SEMA3A: variants seen among roughly 807,000 people sequenced by gnomAD.
SEMA3A encodes the protein semaphorin 3A.
A neutral mutation model predicts 97.9 loss-of-function variants in SEMA3A; 29 were observed. The observed-to-expected ratio is 0.30, with a 90% CI of 0.22 to 0.40. SEMA3A has a LOEUF of 0.40. SEMA3A is among the 10% of genes least tolerant of loss of function. The pLI is 1.00. For missense variants in SEMA3A, 763 were observed against 951.3 expected (o/e 0.80, Z 2.60); for synonymous variants, 321 against 323.7 (o/e 0.99, Z 0.09).
chr7:84,009,126 T>G (rs1362948809), intron 9 of SEMA3A, among the ~76,000 whole-genome samples: 1 of 152,248 alleles, frequency 6.6e-6, no homozygotes, highest in Non-Finnish European at 1.5e-5. Context: ...TTGAACTGCA[T>G]ATTCTTAGGT....
chr7:84,398,829 T>C (rs902852556), intron 1 of SEMA3A, among the ~76,000 whole-genome samples: 2 of 151,764 alleles, frequency 1.3e-5, no homozygotes, highest in African/African-American at 4.9e-5. Context: ...ATAAAATAAC[T>C]AAATTAAAAT....
At chr7:84,429,380 A>G (rs565660711) in intron 1 of SEMA3A, among the ~76,000 whole-genome samples, 1 of 151,286 alleles carries the variant, frequency 6.6e-6, no homozygotes, top group African/African-American at 2.4e-5. Context: ...AGGGATCACT[A>G]AGTTGTTTGA....
At chr7:84,125,442 T>TG (rs1357054409) in intron 3 of SEMA3A, among the ~76,000 whole-genome samples, 1 of 152,210 alleles carries the variant, frequency 6.6e-6, no homozygotes, top group Non-Finnish European at 1.5e-5. Flanking sequence ...CTTTCTTCTT[T>TG]GAAAGTATTC....
At chr7:84,478,771 C>T (rs1220652260) in intron 1 of SEMA3A, among the ~76,000 whole-genome samples, 1 of 151,802 alleles carries the variant, frequency 6.6e-6, no homozygotes, top group Non-Finnish European at 1.5e-5. Flanking sequence ...TAGAAAATAT[C>T]AAGCAGTCTC....
At chr7:84,421,534 C>T (rs957925832) in intron 1 of SEMA3A, among the ~76,000 whole-genome samples, 1 of 152,028 alleles carries the variant, frequency 6.6e-6, no homozygotes, top group Non-Finnish European at 1.5e-5. Context: ...ATTGCCCTGG[C>T]CAGAACTTCC....
intron 2 of SEMA3A, among the ~76,000 whole-genome samples, chr7:84,318,472 G>A (rs567612154): frequency 1.9e-4 from 28 of 151,270 alleles, no homozygotes; most frequent in Non-Finnish European, 3.2e-4. Flanking sequence ...ACAGGCGCCC[G>A]CCACTACGCC....
At chr7:84,462,197 A>T (rs2116390076) in intron 1 of SEMA3A, among the ~76,000 whole-genome samples, 1 of 152,264 alleles carries the variant, frequency 6.6e-6, no homozygotes, top group East Asian at 1.9e-4. Context: ...TTTTTTTCTC[A>T]TAAAAATATA....
At chr7:84,184,778 AC>A (rs1797829181) in intron 1 of SEMA3A, among the ~76,000 whole-genome samples, 1 of 152,188 alleles carries the variant, frequency 6.6e-6, no homozygotes, top group Admixed American at 6.5e-5. Context: ...TAGAGGCAAG[AC>A]AAGTACTAAG....
upstream of SEMA3A, among the ~76,000 whole-genome samples, chr7:84,197,730 CTTTTTTTTTTTT>C (rs139403623): frequency 7.2e-5 from 5 of 69,358 alleles, no homozygotes; most frequent in South Asian, 1.9e-3. Flanking sequence ...AAAGATCACT[CTTTTTTTTTTTT>C]TTTTTTTTTT....
intron 15 of SEMA3A, among the ~76,000 whole-genome samples, chr7:83,975,299 G>A (rs1789099239): frequency 6.6e-6 from 1 of 151,918 alleles, no homozygotes. Flanking sequence ...GATTATATAT[G>A]CATATAATCT....
At chr7:84,202,085 A>T (rs912960203) in intron 3 of SEMA3A, among the ~76,000 whole-genome samples, 2 of 152,124 alleles carry the variant, frequency 1.3e-5, no homozygotes, top group African/African-American at 4.8e-5. Context: ...TTATCCTATG[A>T]TTTAAAACAA....
At chr7:84,415,678 C>T (rs72612655) in intron 1 of SEMA3A, among the ~76,000 whole-genome samples, 11,059 of 151,900 alleles carry the variant, frequency 0.073, 421 homozygotes, top group East Asian at 0.12. Context: ...TTAAATTAAT[C>T]ATTTGAGGAC....
chr7:84,307,177 T>G (rs1801181474), intron 3 of SEMA3A: 1 of 152,178 alleles, frequency 6.6e-6, no homozygotes, highest in Admixed American at 6.6e-5. Flanking sequence ...CTTATTAACA[T>G]GCCAATGTGT....
At chr7:84,159,733 C>T (rs887510954) in intron 1 of SEMA3A, among the ~76,000 whole-genome samples, 2 of 151,974 alleles carry the variant, frequency 1.3e-5, no homozygotes, top group Admixed American at 6.6e-5. Context: ...ATAGTTAGAC[C>T]CTTAGCTCTT....
intron 1 of SEMA3A, among the ~76,000 whole-genome samples, chr7:84,424,530 TAA>T (rs372894479): frequency 0.18 from 16,749 of 92,040 alleles, 1,918 homozygotes; most frequent in Non-Finnish European, 0.2. Context: ...ATGTTATATA[TAA>T]TATATAAATA....
intron 3 of SEMA3A, among the ~76,000 whole-genome samples, chr7:84,300,428 A>G (rs570686407): frequency 6.6e-6 from 1 of 152,154 alleles, no homozygotes; most frequent in Non-Finnish European, 1.5e-5. Context: ...ACTTGAAAAT[A>G]TCAGTGATAA....
At chr7:84,102,521 G>A (rs183144526) in intron 4 of SEMA3A, among the ~76,000 whole-genome samples, 29 of 150,414 alleles carry the variant, frequency 1.9e-4, no homozygotes, top group Admixed American at 2.0e-4. Context: ...CCATAGACCA[G>A]GGCTATAAAA....
intron 1 of SEMA3A, among the ~76,000 whole-genome samples, chr7:84,449,266 T>C (rs1805501772): frequency 6.6e-6 from 1 of 152,118 alleles, no homozygotes; most frequent in African/African-American, 2.4e-5. Context: ...ATGAAACGTA[T>C]AGATGTAAAG....
At chr7:84,006,543 A>G (rs1225621642) in intron 10 of SEMA3A, among the ~76,000 whole-genome samples, 1 of 152,050 alleles carries the variant, frequency 6.6e-6, no homozygotes, top group African/African-American at 2.4e-5. Context: ...TAAACACTCC[A>G]TGTAAGACAA....
Sources: gnomAD v4.1 joint callset for allele counts (sites outside exome capture counted in the v4.1 genomes callset) on GRCh38, gnomAD v4.1.1 for gene constraint, MANE v1.5 for transcripts, NCBI Gene and HGNC (gene_info 2026-07-23, HGNC 2026-07-21) for gene names.